SYNE2: variants seen among roughly 807,000 people sequenced by gnomAD.
The protein encoded by SYNE2 is spectrin repeat containing nuclear envelope protein 2.
A neutral mutation model predicts 856.3 loss-of-function variants in SYNE2; 431 were observed. The ratio of observed to expected loss-of-function variants is 0.50; its 90% CI spans 0.47 to 0.55. SYNE2 has a LOEUF of 0.55. Ranked by LOEUF, SYNE2 falls within the 20% of genes least tolerant of loss-of-function variation. SYNE2 has a pLI of 0.00. For synonymous variants in SYNE2, 2,923 were observed against 2,872.3 expected, an observed-to-expected ratio of 1.02 and a Z score of -0.56; for missense variants, 8,129 against 8,023.2, an observed-to-expected ratio of 1.01 and a Z score of -0.50.
At chr14:63,956,759 T>C (rs1015279738) in intron 8 of SYNE2, among the ~76,000 whole-genome samples, 18 of 152,196 alleles carry the variant, frequency 1.2e-4, no homozygotes, top group Non-Finnish European at 2.5e-4. Context: ...AAACAATACA[T>C]GTTACACAAT....
chr14:64,071,034 G>T (rs1215240479), intron 52 of SYNE2, 124 bp downstream of exon 52: 3 of 920,472 alleles, frequency 3.3e-6, no homozygotes, highest in African/African-American at 3.3e-5. Context: ...AACACTGATA[G>T]GTATAAAAAG....
Position 64,000,435 on chromosome 14 carries a change from T to A in SYNE2, c.3481-127T>A, listed in dbSNP as rs528357639. The A allele has an allele frequency of 1.3e-3, 1,177 of 885,484 alleles. 10 individuals carry two copies. The South Asian group carries it at 0.016, about 12-fold the overall frequency. The allele number at this position is 885,484 out of a possible 1,614,324, so 54.9% of individuals were successfully genotyped here. A position where few individuals can be genotyped will look rare whatever the true frequency, so the allele number is the denominator to read the frequency against. ...CTTGTAGGTGGTTGGAAAGTATTTTTAAACACATTTACATATGAAACATTG... is the reference window on the plus strand; with the variant it reads ...CTTGTAGGTGGTTGGAAAGTATTTTAAAACACATTTACATATGAAACATTG... On this transcript the variant is annotated intron_variant, in intron 27 of 115. Transcript: ENST00000555002.
chr14:63,800,963 T>G (rs1013353326), intron 1 of SYNE2, among the ~76,000 whole-genome samples: 2 of 152,022 alleles, frequency 1.3e-5, no homozygotes, highest in African/African-American at 4.8e-5. Flanking sequence ...ACCTAAAAAG[T>G]TAAAAAATAA....
chr14:64,137,199 T>G (rs778631163), intron 78 of SYNE2, among the ~76,000 whole-genome samples: 67 of 152,046 alleles, frequency 4.4e-4, no homozygotes, highest in Admixed American at 9.2e-4. Context: ...TTGGTTGGTT[T>G]GTTTTGTTTT....
At chr14:63,855,451 C>G (rs1420732676) in intron 1 of SYNE2, among the ~76,000 whole-genome samples, 1 of 152,118 alleles carries the variant, frequency 6.6e-6, no homozygotes, top group Non-Finnish European at 1.5e-5. Context: ...ATCTGTTGCT[C>G]TCCTCCCTAC....
intron 42 of SYNE2, among the ~76,000 whole-genome samples, chr14:64,027,016 G>A (rs1301164664): frequency 6.6e-6 from 1 of 152,170 alleles, no homozygotes; most frequent in South Asian, 2.1e-4. Context: ...TGTAATTCTA[G>A]TGAAAATTCT....
intron 61 of SYNE2, among the ~76,000 whole-genome samples, chr14:64,095,914 G>C (rs1365353245): frequency 6.6e-6 from 1 of 152,140 alleles, no homozygotes; most frequent in African/African-American, 2.4e-5. Context: ...CTTCCCTCAT[G>C]AATGGGATTA....
At chr14:63,818,867 T>G (rs546838549) in intron 1 of SYNE2, among the ~76,000 whole-genome samples, 1 of 151,812 alleles carries the variant, frequency 6.6e-6, no homozygotes, top group Non-Finnish European at 1.5e-5. Flanking sequence ...CCCAGCTAAT[T>G]TTTTGTATTT....
chr14:64,164,081 G>A (rs959695692), intron 89 of SYNE2, among the ~76,000 whole-genome samples: 3 of 130,976 alleles, frequency 2.3e-5, no homozygotes, highest in Non-Finnish European at 4.9e-5. Context: ...CACCACGCCT[G>A]GCTTGCTTAT....
chr14:64,156,525 C>T (rs981172888), intron 85 of SYNE2, among the ~76,000 whole-genome samples: 8 of 150,596 alleles, frequency 5.3e-5, no homozygotes, highest in Non-Finnish European at 1.0e-4. Context: ...GTGGCATGAT[C>T]TCAGCTCACT....
chr14:63,937,732 A>C (rs947987834), intron 2 of SYNE2, among the ~76,000 whole-genome samples: 2 of 152,256 alleles, frequency 1.3e-5, no homozygotes, highest in Non-Finnish European at 2.9e-5. Flanking sequence ...GGGTTTCTCC[A>C]GCCACATTCA....
At chr14:64,152,797 T>G in intron 85 of SYNE2, 81 bp downstream of exon 85, 1 of 1,566,440 alleles carries the variant, frequency 6.4e-7, no homozygotes, top group Non-Finnish European at 8.8e-7. Context: ...TTTTCGTCCT[T>G]TACTCATGGA....
At chr14:63,897,336 T>TC (rs2095268895) in intron 1 of SYNE2, among the ~76,000 whole-genome samples, 1 of 152,202 alleles carries the variant, frequency 6.6e-6, no homozygotes, top group Non-Finnish European at 1.5e-5. Context: ...CTGGCTCGTT[T>TC]CCCCACCTTT....
At chr14:63,944,278 TTATATATATATATATA>T (rs71123818) in intron 6 of SYNE2, among the ~76,000 whole-genome samples, 4 of 144,020 alleles carry the variant, frequency 2.8e-5, no homozygotes, top group East Asian at 2.0e-4. Flanking sequence ...TTCTGAATTT[TTATATATATATATATA>T]TATATATATA....
chr14:64,212,708 A>G (rs889365186), intron 104 of SYNE2, 103 bp from the exon 105 acceptor site: 23 of 1,077,578 alleles, frequency 2.1e-5, no homozygotes, highest in Non-Finnish European at 2.7e-5. Context: ...GAAAACAACA[A>G]TAATGACATT....
At chr14:64,025,090 G>T (rs753930326) in intron 40 of SYNE2, 40 bp from the exon 41 acceptor site, 2 of 1,613,958 alleles carry the variant, frequency 1.2e-6, no homozygotes, top group South Asian at 2.2e-5. Flanking sequence ...CCATGGTGTG[G>T]TTACTCCTAT....
chr14:64,217,944 C>T (rs1434797827), intron 108 of SYNE2, among the ~76,000 whole-genome samples: 1 of 152,182 alleles, frequency 6.6e-6, no homozygotes, highest in African/African-American at 2.4e-5. Flanking sequence ...GAGGCAGATT[C>T]ATCCTCTGTG....
chr14:64,210,531 A>C (rs1213822073), intron 103 of SYNE2, among the ~76,000 whole-genome samples: 1 of 152,130 alleles, frequency 6.6e-6, no homozygotes, highest in African/African-American at 2.4e-5. Flanking sequence ...CGCACTGAGG[A>C]GGATGGACAA....
At chr14:63,959,287 CTTTTTTTTTTTTTT>C (rs34198434) in intron 8 of SYNE2, among the ~76,000 whole-genome samples, 5 of 81,382 alleles carry the variant, frequency 6.1e-5, no homozygotes, top group South Asian at 4.7e-4. Flanking sequence ...TTTTCTTCTT[CTTTTTTTTTTTTTT>C]TTTTTTTTTT....
Sources: allele counts gnomAD v4.1 joint callset (sites outside exome capture counted in the v4.1 genomes callset), GRCh38; gene constraint gnomAD v4.1.1; transcripts MANE v1.5; gene names NCBI Gene and HGNC (gene_info 2026-07-23, HGNC 2026-07-21).